The following SHISA6 variants were observed in gnomAD, a reference collection of about 807,000 sequenced individuals.
SHISA6 encodes shisa family member 6, also known as protein shisa-6.
Under a neutral mutation model 47.9 loss-of-function variants are expected in SHISA6, and 22 were observed. That is an observed-to-expected ratio of 0.46 (90% CI 0.33 to 0.66). The LOEUF is 0.66. SHISA6 is among the 30% of genes least tolerant of loss of function. The probability of loss-of-function intolerance (pLI) is 0.02; values close to 1 mark genes in which losing one functional copy is unlikely to be tolerated. For synonymous variants in SHISA6, 388 were observed against 337.8 expected (o/e 1.15, Z -1.63); for missense variants, 680 against 764.6 (o/e 0.89, Z 1.30).
intron 3 of SHISA6, among the ~76,000 whole-genome samples, chr17:11,521,063 G>A (rs761961419): frequency 2.6e-5 from 4 of 152,160 alleles, no homozygotes; most frequent in Non-Finnish European, 5.9e-5. Flanking sequence ...ATGGAACATG[G>A]TGCTTTGGAT....
At chr17:11,382,753 G>A (rs780332412) in intron 3 of SHISA6, among the ~76,000 whole-genome samples, 5 of 152,032 alleles carry the variant, frequency 3.3e-5, no homozygotes, top group Non-Finnish European at 5.9e-5. Flanking sequence ...GACTAAATGG[G>A]TAGCCAACAC....
chr17:11,489,936 T>G (rs114325902), intron 3 of SHISA6, among the ~76,000 whole-genome samples: 102 of 152,310 alleles, frequency 6.7e-4, no homozygotes, highest in African/African-American at 2.3e-3. Flanking sequence ...CTGCCCAGGC[T>G]GAGAAATCCT....
chr17:11,251,652 C>G (rs569167410), intron 1 of SHISA6, among the ~76,000 whole-genome samples: 1 of 152,142 alleles, frequency 6.6e-6, no homozygotes, highest in East Asian at 1.9e-4. Context: ...CATCTAGCAT[C>G]GTGCATGCAA....
intron 3 of SHISA6, among the ~76,000 whole-genome samples, chr17:11,457,319 T>C (rs1915567470): frequency 6.6e-6 from 1 of 152,206 alleles, no homozygotes; most frequent in Non-Finnish European, 1.5e-5. Context: ...GAGGAAGCTT[T>C]TCTGAATTAC....
intron 3 of SHISA6, among the ~76,000 whole-genome samples, chr17:11,408,089 G>A (rs1463182821): frequency 1.3e-5 from 2 of 152,310 alleles, no homozygotes; most frequent in South Asian, 2.1e-4. Context: ...AAAGCTGGGA[G>A]CTTGTGTCTT....
chr17:11,311,576 G>C (rs558109809), intron 2 of SHISA6, among the ~76,000 whole-genome samples: 1 of 152,128 alleles, frequency 6.6e-6, no homozygotes, highest in African/African-American at 2.4e-5. Context: ...CCTCTTTTGT[G>C]GGGGAACAAA....
At chr17:11,424,242 A>T (rs1914541050) in intron 3 of SHISA6, among the ~76,000 whole-genome samples, 1 of 152,224 alleles carries the variant, frequency 6.6e-6, no homozygotes, top group Admixed American at 6.5e-5. Context: ...GAAATTAATG[A>T]TAGGCTTCTT....
intron 1 of SHISA6, among the ~76,000 whole-genome samples, chr17:11,246,279 A>G (rs933820719): frequency 1.3e-5 from 2 of 152,138 alleles, no homozygotes; most frequent in East Asian, 1.9e-4. Flanking sequence ...TCATTAGGTC[A>G]GGAGATTGAG....
At chr17:11,378,298 C>T (rs1442148341) in intron 2 of SHISA6, among the ~76,000 whole-genome samples, 1 of 152,036 alleles carries the variant, frequency 6.6e-6, no homozygotes, top group Non-Finnish European at 1.5e-5. Flanking sequence ...AGACATTTGT[C>T]TTTGATATGT....
intron 3 of SHISA6, among the ~76,000 whole-genome samples, chr17:11,506,522 T>A (rs1485176933): frequency 6.6e-6 from 1 of 152,160 alleles, no homozygotes; most frequent in Non-Finnish European, 1.5e-5. Context: ...ATCAATCATA[T>A]GAGAACTGAC....
chr17:11,415,422 C>G (rs925579131), intron 3 of SHISA6, among the ~76,000 whole-genome samples: 1 of 152,112 alleles, frequency 6.6e-6, no homozygotes, highest in South Asian at 2.1e-4. Context: ...TATAAATGAA[C>G]CTAAAATACA....
chr17:11,437,261 G>C (rs1914965891), intron 3 of SHISA6, among the ~76,000 whole-genome samples: 2 of 152,132 alleles, frequency 1.3e-5, no homozygotes, highest in South Asian at 4.1e-4. Context: ...ATTGCCCCAG[G>C]ACCATTCACT....
chr17:11,384,242 C>T (rs1039334867), intron 3 of SHISA6, among the ~76,000 whole-genome samples: 2 of 152,222 alleles, frequency 1.3e-5, no homozygotes, highest in Non-Finnish European at 2.9e-5. Flanking sequence ...CTCCAAGCTG[C>T]GGAGCAGCTG....
At chr17:11,439,612 C>T (rs1227975985) in intron 3 of SHISA6, among the ~76,000 whole-genome samples, 1 of 152,100 alleles carries the variant, frequency 6.6e-6, no homozygotes, top group Non-Finnish European at 1.5e-5. Context: ...GTAACTAAGT[C>T]CAACTAATTC....
chr17:11,340,023 T>G (rs1403591932), intron 2 of SHISA6, among the ~76,000 whole-genome samples: 19 of 152,228 alleles, frequency 1.2e-4, no homozygotes, highest in Non-Finnish European at 2.9e-5. Context: ...ATTGTGATTT[T>G]GCCAAGCTGC....
chr17:11,456,881 G>A (rs971958535), intron 3 of SHISA6, among the ~76,000 whole-genome samples: 13 of 152,150 alleles, frequency 8.5e-5, no homozygotes, highest in Non-Finnish European at 1.2e-4. Flanking sequence ...TGTGTACCCT[G>A]GCCATTCAAC....
chr17:11,293,826 C>T (rs977998410), intron 2 of SHISA6, among the ~76,000 whole-genome samples: 5 of 152,106 alleles, frequency 3.3e-5, no homozygotes, highest in Admixed American at 6.6e-5. Context: ...TCCTGGCACA[C>T]GCTGCGCAGT....
intron 2 of SHISA6, among the ~76,000 whole-genome samples, chr17:11,370,896 A>G (rs1406055315): frequency 6.6e-6 from 1 of 152,104 alleles, no homozygotes; most frequent in South Asian, 2.1e-4. Flanking sequence ...CATTCACCTG[A>G]TGGGCTAGGC....
rs571306757 is a variant in SHISA6, at chr17:11,379,132, T to C, written c.800-282T>C. On this transcript the variant is annotated intron_variant, in intron 2 of 5. Transcript: ENST00000441885. ...TGTATATATACTAATATACTAGATA[T>C]ATATATAAGTATATATACTAATATA... 4.7e-5 allele frequency among the ~76,000 whole-genome samples: 7 copies of C among 148,338 alleles called. No homozygotes were observed. The South Asian group carries it at 1.5e-3, about 31-fold the overall frequency.
Sources: allele counts gnomAD v4.1 joint callset (sites outside exome capture counted in the v4.1 genomes callset), GRCh38; gene constraint gnomAD v4.1.1; transcripts MANE v1.5; gene names NCBI Gene and HGNC (gene_info 2026-07-23, HGNC 2026-07-21).